Variants in ANGPT1 observed in about 807,000 individuals in gnomAD.
The protein encoded by ANGPT1 is angiopoietin 1, also known as angiopoietin-1.
ANGPT1 carries 17 observed loss-of-function variants against 62.2 expected under a neutral mutation model. The observed-to-expected ratio is 0.27, with a 90% CI of 0.19 to 0.41. The LOEUF (loss-of-function observed/expected upper bound fraction) is 0.41, where lower values mean the gene tolerates loss of function less well. Ranked by LOEUF, ANGPT1 falls within the 10% of genes least tolerant of loss-of-function variation. The pLI, the probability that ANGPT1 is intolerant of heterozygous loss-of-function variation, is 1.00. For synonymous variants in ANGPT1, 199 were observed against 198.9 expected (o/e 1.00, Z 0.00); for missense variants, 478 against 594.9 (o/e 0.80, Z 2.04).
intron 1 of ANGPT1, among the ~76,000 whole-genome samples, chr8:107,400,076 A>G (rs988010477): frequency 3.3e-5 from 5 of 152,198 alleles, no homozygotes; most frequent in Non-Finnish European, 7.3e-5. Context: ...ATACAAACCA[A>G]TTCTGTTCCA....
At chr8:107,294,762 C>A (rs1455341173) in intron 5 of ANGPT1, 1 of 152,090 alleles carries the variant, frequency 6.6e-6, no homozygotes, top group Non-Finnish European at 1.5e-5. Context: ...ATTCAAAATA[C>A]AATGGTATTT....
rs562519231 is a variant in ANGPT1, at chr8:107,377,793, T to A, written c.298-30696A>T. Among the ~76,000 whole-genome samples, 18 of 152,250 alleles carry A rather than the reference T, an allele frequency of 1.2e-4. No homozygotes were observed. In the South Asian group the frequency reaches 3.7e-3, roughly 32 times the overall value. On this transcript the variant is annotated intron_variant, in intron 1 of 8. Coordinates refer to ENST00000517746, the MANE Select transcript of ANGPT1 (RefSeq NM_001146.5). ...AAGTCCAAAGCTTTCAATTACACAA[T>A]CTTGTCAAGAACGTAAAAACAGATG...
chr8:107,284,930 T>A, intron 6 of ANGPT1, 82 bp from the exon 7 acceptor site: 1 of 1,086,818 alleles, frequency 9.2e-7, no homozygotes, highest in Non-Finnish European at 1.2e-6. Context: ...TTCTAAATAA[T>A]AATTAAAAAT....
At chr8:107,321,017 T>TA (rs1815137908) in intron 4 of ANGPT1, among the ~76,000 whole-genome samples, 2 of 152,210 alleles carry the variant, frequency 1.3e-5, no homozygotes, top group African/African-American at 4.8e-5. Flanking sequence ...CATCACCATT[T>TA]ACAATTCCAT....
chr8:107,268,378 CAAAT>C (rs995790568), intron 7 of ANGPT1, among the ~76,000 whole-genome samples: 9 of 151,326 alleles, frequency 5.9e-5, no homozygotes, highest in Non-Finnish European at 1.3e-4. Flanking sequence ...CCATCCAACT[CAAAT>C]AATTAAAAAA....
intron 4 of ANGPT1, among the ~76,000 whole-genome samples, chr8:107,314,605 T>A (rs1287940191): frequency 6.6e-6 from 1 of 152,206 alleles, no homozygotes; most frequent in African/African-American, 2.4e-5. Context: ...AAGGAAGTGC[T>A]AGATAGTGTG....
intron 1 of ANGPT1, among the ~76,000 whole-genome samples, chr8:107,445,893 T>A (rs1654681): frequency 0.84 from 128,339 of 152,118 alleles, 54,271 homozygotes; most frequent in East Asian, 0.88. Flanking sequence ...TTAACAATGT[T>A]TATTATTTAA....
chr8:107,439,098 A>C (rs1811406561), intron 1 of ANGPT1, among the ~76,000 whole-genome samples: 1 of 152,338 alleles, frequency 6.6e-6, no homozygotes, highest in East Asian at 1.9e-4. Flanking sequence ...TGAGAAAAAA[A>C]GAAAGTTTAG....
intron 2 of ANGPT1, among the ~76,000 whole-genome samples, chr8:107,339,482 C>A (rs1815647973): frequency 6.6e-6 from 1 of 152,184 alleles, no homozygotes; most frequent in Non-Finnish European, 1.5e-5. Context: ...TTCCTAGATG[C>A]ATGGCTGATT....
chr8:107,384,175 G>C (rs1050354228), intron 1 of ANGPT1, among the ~76,000 whole-genome samples: 3 of 152,062 alleles, frequency 2.0e-5, no homozygotes, highest in Non-Finnish European at 4.4e-5. Context: ...GTTTGACTCA[G>C]TGGTTCTCAC....
At chr8:107,479,873 C>A (rs1424320118) in intron 1 of ANGPT1, among the ~76,000 whole-genome samples, 2 of 152,116 alleles carry the variant, frequency 1.3e-5, no homozygotes, top group African/African-American at 4.8e-5. Flanking sequence ...AAAATACTAA[C>A]AACAATTTTA....
chr8:107,422,183 A>G (rs1476890588), intron 1 of ANGPT1, among the ~76,000 whole-genome samples: 1 of 152,166 alleles, frequency 6.6e-6, no homozygotes, highest in Non-Finnish European at 1.5e-5. Flanking sequence ...CCAAATTCTC[A>G]GCTTCCTACA....
intron 1 of ANGPT1, among the ~76,000 whole-genome samples, chr8:107,426,927 C>T (rs1811055860): frequency 6.6e-6 from 1 of 152,134 alleles, no homozygotes; most frequent in Non-Finnish European, 1.5e-5. Context: ...TGTGGAAAAC[C>T]AGAGGATTTT....
intron 1 of ANGPT1, among the ~76,000 whole-genome samples, chr8:107,357,537 G>A (rs1247972045): frequency 6.6e-6 from 1 of 152,098 alleles, no homozygotes; most frequent in Non-Finnish European, 1.5e-5. Flanking sequence ...AGTAGATTGG[G>A]GGGATTGATG....
At chr8:107,283,537 A>T (rs1009653290) in intron 7 of ANGPT1, among the ~76,000 whole-genome samples, 1 of 152,184 alleles carries the variant, frequency 6.6e-6, no homozygotes, top group Non-Finnish European at 1.5e-5. Context: ...AAATTAAAAA[A>T]AAAAGGTTTG....
At chr8:107,338,618 C>G (rs1270857870) in intron 2 of ANGPT1, among the ~76,000 whole-genome samples, 2 of 152,168 alleles carry the variant, frequency 1.3e-5, no homozygotes, top group African/African-American at 4.8e-5. Context: ...AGGGTTTCAG[C>G]GTTTTAAAAA....
rs1813136429 is a variant in ANGPT1, at chr8:107,497,417, G to A, written c.142C>T (p.Pro48Ser). The change falls in exon 1 of 9, where the codon CCA (proline) becomes TCA (serine). Residue 48 changes from proline to serine, a missense_variant. Pro to Ser is a moderately conservative substitution (Grantham distance 74). Transcript: ENST00000517746. ...HGQCAYTFILPEHDGNCREST... is the reference protein window; with the variant it reads ...HGQCAYTFILSEHDGNCREST... ...TCACGACAGTTGCCATCGTGTTCTG[G>A]AAGAATGAAAGTGTAGGCACATTGC... The A allele has an allele frequency of 6.2e-7, 1 of 1,614,062 alleles. No individual in the cohort carries two copies. Among genetic ancestry groups the A allele is most frequent in the African/African-American group, 1.3e-5 (1 of 74,914 alleles).
At chr8:107,443,484 T>C (rs1305430055) in intron 1 of ANGPT1, among the ~76,000 whole-genome samples, 2 of 152,080 alleles carry the variant, frequency 1.3e-5, no homozygotes, top group Non-Finnish European at 2.9e-5. Context: ...CTTAATAATA[T>C]AGTGGGCATA....
chr8:107,264,752 G>A (rs975736516), intron 7 of ANGPT1, among the ~76,000 whole-genome samples: 2 of 152,172 alleles, frequency 1.3e-5, no homozygotes, highest in African/African-American at 4.8e-5. Context: ...AAGTTTCATT[G>A]ATTGGGGATT....
Sources: allele counts gnomAD v4.1 joint callset (sites outside exome capture counted in the v4.1 genomes callset), GRCh38; gene constraint gnomAD v4.1.1; transcripts MANE v1.5; gene names NCBI Gene and HGNC (gene_info 2026-07-23, HGNC 2026-07-21).